RSF1: variants seen among roughly 807,000 people sequenced by gnomAD.
RSF1 encodes remodeling and spacing factor 1.
In RSF1, 13 loss-of-function variants were observed where a neutral mutation model predicts 145.2. The ratio of observed to expected loss-of-function variants is 0.09; its 90% CI spans 0.06 to 0.14. The LOEUF is 0.14. Ranked by LOEUF, RSF1 falls within the 10% of genes least tolerant of loss-of-function variation. The pLI, the probability that RSF1 is intolerant of heterozygous loss-of-function variation, is 1.00. For synonymous variants in RSF1, 577 were observed against 592.6 expected, an observed-to-expected ratio of 0.97 and a Z score of 0.38; for missense variants, 1,517 against 1,718.2, an observed-to-expected ratio of 0.88 and a Z score of 2.07.
chr11:77,737,946 A>T (rs1299740844), intron 4 of RSF1, among the ~76,000 whole-genome samples: 3 of 152,126 alleles, frequency 2.0e-5, no homozygotes, highest in Non-Finnish European at 4.4e-5. Context: ...TGGCTATCAC[A>T]GAGAAACCCC....
chr11:77,709,353 T>C (rs555127428), intron 5 of RSF1, among the ~76,000 whole-genome samples: 1 of 152,200 alleles, frequency 6.6e-6, no homozygotes, highest in Admixed American at 6.5e-5. Context: ...ACCTCCATCA[T>C]GGGAAAAATT....
chr11:77,819,551 C>A (rs1948821035), intron 1 of RSF1, among the ~76,000 whole-genome samples: 2 of 152,184 alleles, frequency 1.3e-5, no homozygotes, highest in African/African-American at 4.8e-5. Flanking sequence ...CTTGCGAACA[C>A]CAATAATAGA....
chr11:77,841,984 C>T, the RSF1 span, among the ~76,000 whole-genome samples: 30,087 of 152,122 alleles, frequency 0.2, 3,619 homozygotes, highest in Middle Eastern at 0.33. Flanking sequence ...TACAACAGAA[C>T]TGGAGTGGTG....
At chr11:77,721,196 T>C (rs1960933033) in intron 5 of RSF1, among the ~76,000 whole-genome samples, 1 of 152,248 alleles carries the variant, frequency 6.6e-6, no homozygotes, top group African/African-American at 2.4e-5. Context: ...GCTTAATTTT[T>C]AACTTTTGTC....
At chr11:77,680,987 C>T (rs918827060) in intron 11 of RSF1, among the ~76,000 whole-genome samples, 5 of 152,146 alleles carry the variant, frequency 3.3e-5, no homozygotes, top group African/African-American at 1.2e-4. Flanking sequence ...GAAATTTGTT[C>T]GCTAAAATCA....
chr11:77,717,132 C>G (rs1465990033), intron 5 of RSF1, among the ~76,000 whole-genome samples: 1 of 147,816 alleles, frequency 6.8e-6, no homozygotes, highest in South Asian at 2.1e-4. Flanking sequence ...GAGCCAAGAT[C>G]GCACCACTGT....
intron 1 of RSF1, chr11:77,813,219 C>G: frequency 2.0e-6 from 1 of 493,474 alleles, no homozygotes; most frequent in Non-Finnish European, 3.7e-6. Flanking sequence ...TTACTTAATT[C>G]TGAGCAAAAC....
intron 4 of RSF1, among the ~76,000 whole-genome samples, chr11:77,737,061 T>C (rs150286526): frequency 3.1e-4 from 47 of 152,318 alleles, no homozygotes; most frequent in Admixed American, 2.3e-3. Flanking sequence ...CCCTGGCTCA[T>C]TGTAAATAGA....
In RSF1 at chr11:77,690,174, A is replaced by AC. The variant is rs1337544951; in HGVS notation, c.2900+984_2900+985insG. Among the ~76,000 whole-genome samples the AC allele has an allele frequency of 4.6e-5, 7 of 151,586 alleles. 1 individual carries two copies. Among genetic ancestry groups the AC allele is most frequent in the Non-Finnish European group, 1.0e-4 (7 of 67,888 alleles). On this transcript the variant is annotated intron_variant, in intron 9 of 15. Transcript: ENST00000308488. ...GAGACTCCATCTCAAAAAAAAAAAA[A>AC]AAAAAACAAAAAACCTTCTCCAACT...
Position 77,693,491 on chromosome 11 carries a change from G to A in RSF1, c.2820+16C>T, listed in dbSNP as rs780973562. The A allele has an allele frequency of 1.3e-6, 2 of 1,519,384 alleles. No individual in the cohort carries two copies. Among genetic ancestry groups the A allele is most frequent in the South Asian group, 2.3e-5 (2 of 88,586 alleles). The allele number at this position is 1,519,384 out of a possible 1,614,324, so 94.1% of individuals were successfully genotyped here. The stretch of plus-strand genomic sequence containing the variant: ...ACAAACTCAAAGACTAGAAAAACAA[G>A]TGGGCGGGGTCTTACATGTTGGCAA... On this transcript the variant is annotated intron_variant, in intron 8 of 15. Transcript: ENST00000308488.
At chr11:77,761,430 A>G (rs559917609) in intron 2 of RSF1, among the ~76,000 whole-genome samples, 1 of 152,222 alleles carries the variant, frequency 6.6e-6, no homozygotes, top group African/African-American at 2.4e-5. Flanking sequence ...TCTGAGGCTA[A>G]AAGAAATCAA....
At chr11:77,694,247 A>G (rs1052349025) in intron 7 of RSF1, among the ~76,000 whole-genome samples, 5 of 152,210 alleles carry the variant, frequency 3.3e-5, no homozygotes, top group African/African-American at 1.2e-4. Flanking sequence ...CTCAAGTATC[A>G]AAGACTACCC....
chr11:77,717,258 C>G (rs1226192530), intron 5 of RSF1, among the ~76,000 whole-genome samples: 2 of 151,524 alleles, frequency 1.3e-5, no homozygotes, highest in African/African-American at 4.8e-5. Context: ...ACCCTTGGGG[C>G]CTCCTGAATA....
intron 1 of RSF1, among the ~76,000 whole-genome samples, chr11:77,819,939 C>G (rs992549655): frequency 5.3e-5 from 8 of 151,990 alleles, no homozygotes; most frequent in Non-Finnish European, 1.2e-4. Context: ...TAAAGCAGCC[C>G]TCGAGGGGAA....
At chr11:77,836,385 T>G in the RSF1 span, among the ~76,000 whole-genome samples, 2 of 151,972 alleles carry the variant, frequency 1.3e-5, no homozygotes, top group Non-Finnish European at 2.9e-5. Flanking sequence ...GAGAAAGAGA[T>G]AGCAGGTGTG....
chr11:77,712,684 T>G (rs995706331), intron 5 of RSF1, among the ~76,000 whole-genome samples: 7 of 152,238 alleles, frequency 4.6e-5, no homozygotes, highest in South Asian at 2.1e-4. Context: ...ATGGTGATTT[T>G]CTACTTCCCT....
rs1959484824 is a variant in RSF1, at chr11:77,670,201, G to C, written c.3751+1841C>G. Among the ~76,000 whole-genome samples the C allele has an allele frequency of 2.0e-5, 3 of 152,256 alleles. 1 individual carries two copies. The South Asian group carries it at 6.2e-4, about 32-fold the overall frequency. ...CTGACTGGCCCCCACTGACTTCTTT[G>C]CTTCATCTCATTATGTCTGCCTTCA... is the stretch of plus-strand genomic sequence containing the variant. On this transcript the variant is annotated intron_variant, in intron 15 of 15. Coordinates refer to ENST00000308488, the MANE Select transcript of RSF1 (RefSeq NM_016578.4).
intron 1 of RSF1, among the ~76,000 whole-genome samples, chr11:77,803,701 C>G (rs1948649126): frequency 6.6e-6 from 1 of 151,958 alleles, no homozygotes; most frequent in Non-Finnish European, 1.5e-5. Flanking sequence ...ATTGCTTAAA[C>G]CTGAAGGCGG....
chr11:77,790,848 T>G (rs1194538786), intron 1 of RSF1, among the ~76,000 whole-genome samples: 9 of 152,164 alleles, frequency 5.9e-5, no homozygotes, highest in Non-Finnish European at 1.3e-4. Flanking sequence ...CTTGGGCAGC[T>G]CCGCCCCTGT....
Sources: gnomAD v4.1 joint callset for allele counts (sites outside exome capture counted in the v4.1 genomes callset) on GRCh38, gnomAD v4.1.1 for gene constraint, MANE v1.5 for transcripts, NCBI Gene and HGNC (gene_info 2026-07-23, HGNC 2026-07-21) for gene names.